The following DPP10 variants were observed in gnomAD, a reference collection of about 807,000 sequenced individuals.
DPP10 encodes the protein dipeptidyl peptidase like 10.
DPP10 carries 33 observed loss-of-function variants against 120.9 expected under a neutral mutation model. That is an observed-to-expected ratio of 0.27 (90% confidence interval 0.21 to 0.37). The LOEUF is 0.37. Ranked by LOEUF, DPP10 falls within the 10% of genes least tolerant of loss-of-function variation. The pLI is 1.00. For synonymous variants in DPP10, 337 were observed against 326.1 expected (o/e 1.03, Z -0.36); for missense variants, 816 against 942.8 (o/e 0.87, Z 1.76).
chr2:115,056,436 TG>T (rs1317504620), intron 1 of DPP10, among the ~76,000 whole-genome samples: 2 of 152,154 alleles, frequency 1.3e-5, no homozygotes, highest in Admixed American at 1.3e-4. Context: ...TGGAGTGCAA[TG>T]GCACCATCAT....
intron 1 of DPP10, among the ~76,000 whole-genome samples, chr2:114,958,414 C>T (rs554860001): frequency 3.3e-5 from 5 of 152,006 alleles, no homozygotes; most frequent in Admixed American, 6.6e-5. Flanking sequence ...CTCACTTTAA[C>T]GGGTACAAAG....
chr2:115,630,218 G>A (rs1204075783), intron 5 of DPP10, among the ~76,000 whole-genome samples: 2 of 152,052 alleles, frequency 1.3e-5, no homozygotes, highest in Non-Finnish European at 2.9e-5. Context: ...TCTATTATTA[G>A]TGTATAGGAA....
At chr2:115,657,201 A>G (rs1208457673) in intron 5 of DPP10, among the ~76,000 whole-genome samples, 1 of 151,778 alleles carries the variant, frequency 6.6e-6, no homozygotes, top group Non-Finnish European at 1.5e-5. Flanking sequence ...GAATGTTTGT[A>G]CAAACCTAAA....
At chr2:115,590,997 C>T (rs895035367) in intron 5 of DPP10, among the ~76,000 whole-genome samples, 2 of 152,134 alleles carry the variant, frequency 1.3e-5, no homozygotes, top group Non-Finnish European at 2.9e-5. Context: ...TATCCTTTGC[C>T]CACTTCTTGA....
chr2:115,582,152 G>A (rs749984780), intron 5 of DPP10, among the ~76,000 whole-genome samples: 14 of 152,152 alleles, frequency 9.2e-5, no homozygotes, highest in Non-Finnish European at 1.8e-4. Context: ...ATATTGGTAT[G>A]TTCCAAGGTT....
intron 1 of DPP10, among the ~76,000 whole-genome samples, chr2:114,540,985 T>C (rs1350896971): frequency 6.6e-6 from 1 of 152,164 alleles, no homozygotes; most frequent in South Asian, 2.1e-4. Context: ...TTAACTCCAA[T>C]CTCTTTGGTC....
At chr2:114,656,225 T>G (rs187116158) in intron 1 of DPP10, among the ~76,000 whole-genome samples, 1 of 152,050 alleles carries the variant, frequency 6.6e-6, no homozygotes, top group Admixed American at 6.6e-5. Context: ...TAAGATTCGG[T>G]TTGGGGTCTT....
At chr2:114,591,668 C>CTCCCAGGTA (rs1474258670) in intron 1 of DPP10, among the ~76,000 whole-genome samples, 2 of 150,896 alleles carry the variant, frequency 1.3e-5, no homozygotes, top group Non-Finnish European at 2.9e-5. Context: ...GATTCTCCTG[C>CTCCCAGGTA]CTTAGCCTCC....
intron 5 of DPP10, among the ~76,000 whole-genome samples, chr2:115,652,540 G>T (rs1328982653): frequency 6.6e-6 from 1 of 151,496 alleles, no homozygotes; most frequent in African/African-American, 2.4e-5. Context: ...AGGCGGAGAA[G>T]TTTCAGGATC....
chr2:115,695,324 G>T (rs1238472849), intron 7 of DPP10, among the ~76,000 whole-genome samples: 1 of 152,114 alleles, frequency 6.6e-6, no homozygotes, highest in African/African-American at 2.4e-5. Flanking sequence ...AGAAAACCAT[G>T]GGAAATGGGA....
At chr2:114,544,271 C>T (rs1687193033) in intron 1 of DPP10, among the ~76,000 whole-genome samples, 1 of 152,258 alleles carries the variant, frequency 6.6e-6, no homozygotes, top group Middle Eastern at 3.4e-3. Context: ...GAACTGCAGG[C>T]ATGAGCCAAA....
chr2:115,022,454 A>C lies in DPP10; in HGVS notation c.61-286785A>C, dbSNP rs115736973. 1.6e-3 allele frequency among the ~76,000 whole-genome samples: 237 copies of C among 152,180 alleles called. 6 individuals carry two copies. The highest frequency in any genetic ancestry group is 5.4e-3 in the African/African-American group (225 of 41,556). The stretch of plus-strand genomic sequence containing the variant: ...AAAATACATAGGAATATATCTAAAC[A>C]AGGACGTGAAAGAACAACAACAAAA... On this transcript the variant is annotated intron_variant, in intron 1 of 25. Transcript: ENST00000410059.
At chr2:114,447,934 G>A (rs1176949053) in intron 1 of DPP10, among the ~76,000 whole-genome samples, 2 of 152,276 alleles carry the variant, frequency 1.3e-5, no homozygotes, top group Middle Eastern at 3.4e-3. Context: ...TTCCTTATAT[G>A]CTTAAGGCAA....
chr2:115,334,852 T>G (rs1259542496), intron 2 of DPP10, among the ~76,000 whole-genome samples: 1 of 151,988 alleles, frequency 6.6e-6, no homozygotes, highest in African/African-American at 2.4e-5. Context: ...TAAGTCTTCT[T>G]TTATGTAAAA....
chr2:115,078,386 G>T (rs1029625072), intron 1 of DPP10, among the ~76,000 whole-genome samples: 4 of 152,072 alleles, frequency 2.6e-5, no homozygotes, highest in African/African-American at 9.7e-5. Flanking sequence ...ATTCAAAAAA[G>T]ATTAAGACTA....
intron 1 of DPP10, among the ~76,000 whole-genome samples, chr2:114,903,267 G>T (rs143788821): frequency 7.2e-5 from 11 of 152,274 alleles, no homozygotes; most frequent in African/African-American, 2.6e-4. Flanking sequence ...ACATTTCTGT[G>T]CAGGTTTTTG....
intron 1 of DPP10, among the ~76,000 whole-genome samples, chr2:114,885,024 A>G (rs1312569519): frequency 1.3e-5 from 2 of 152,194 alleles, no homozygotes; most frequent in African/African-American, 4.8e-5. Flanking sequence ...AGGATCAACA[A>G]AACGTATATT....
chr2:114,471,301 A>C (rs1051804830), intron 1 of DPP10, among the ~76,000 whole-genome samples: 1 of 152,196 alleles, frequency 6.6e-6, no homozygotes, highest in Non-Finnish European at 1.5e-5. Flanking sequence ...AGAGTTTTGG[A>C]TCATTTTCTT....
chr2:115,198,998 A>G (rs1365846287), intron 1 of DPP10, among the ~76,000 whole-genome samples: 2 of 152,152 alleles, frequency 1.3e-5, no homozygotes, highest in African/African-American at 4.8e-5. Context: ...ATCTCCAAAC[A>G]TTTGCAATCC....
Sources: allele counts gnomAD v4.1 joint callset (sites outside exome capture counted in the v4.1 genomes callset), GRCh38; gene constraint gnomAD v4.1.1; transcripts MANE v1.5; gene names NCBI Gene and HGNC (gene_info 2026-07-23, HGNC 2026-07-21).